Variants in AKAP6 observed in about 807,000 individuals in gnomAD.
The protein encoded by AKAP6 is A-kinase anchor protein 6.
Under a neutral mutation model 188.5 loss-of-function variants are expected in AKAP6, and 58 were observed. The observed-to-expected ratio is 0.31, with a 90% CI of 0.25 to 0.38. The LOEUF is 0.38. AKAP6 is among the 10% of genes least tolerant of loss of function. The pLI, the probability that AKAP6 is intolerant of heterozygous loss-of-function variation, is 1.00. For synonymous variants in AKAP6, 989 were observed against 998.6 expected, an observed-to-expected ratio of 0.99 and a Z score of 0.18; for missense variants, 2,710 against 2,740.0, an observed-to-expected ratio of 0.99 and a Z score of 0.24.
At chr14:32,732,839 A>G in intron 10 of AKAP6, 1 of 606,624 alleles carries the variant, frequency 1.6e-6, no homozygotes, top group Non-Finnish European at 2.9e-6. Context: ...TTAATACATG[A>G]AAAAGTAAGT....
At position 32,599,481 on chromosome 14, in the gene AKAP6, T is replaced by C. The variant is rs753836027; in HGVS notation, c.2541T>C (p.Leu847=). ...TGGAGGAGGAAGGACACCAACTTCTTGAGCTTATTGCATCTCACAAAGCAG... is the reference window on the plus strand; with the variant it reads ...TGGAGGAGGAAGGACACCAACTTCTCGAGCTTATTGCATCTCACAAAGCAG... ...EAVEEEGHQL[L]ELIASHKAGL... is the part of the protein sequence containing the mutation. Residue 847 remains leucine (L), a synonymous_variant, in exon 6 of 14, where the codon CTT becomes CTC. Coordinates refer to ENST00000280979, the MANE Select transcript of AKAP6 (RefSeq NM_004274.5). The C allele has an allele frequency of 6.2e-7, 1 of 1,613,394 alleles. No individual in the cohort carries two copies. Among genetic ancestry groups the C allele is most frequent in the Non-Finnish European group, 8.5e-7 (1 of 1,179,558 alleles).
At chr14:32,652,708 C>A (rs2139537491) in intron 7 of AKAP6, among the ~76,000 whole-genome samples, 1 of 152,298 alleles carries the variant, frequency 6.6e-6, no homozygotes, top group African/African-American at 2.4e-5. Flanking sequence ...TCACCTTTCT[C>A]CTGAGTTGCT....
intron 5 of AKAP6, among the ~76,000 whole-genome samples, chr14:32,585,663 A>G (rs1051158772): frequency 6.6e-6 from 1 of 152,358 alleles, no homozygotes; most frequent in East Asian, 1.9e-4. Context: ...TAAATGACTA[A>G]CAATTTTAAT....
At chr14:32,800,061 C>CTCTCTCTATA (rs377693074) in intron 12 of AKAP6, among the ~76,000 whole-genome samples, 3,321 of 136,908 alleles carry the variant, frequency 0.024, 60 homozygotes, top group South Asian at 0.032. Flanking sequence ...CTCTCTCTCT[C>CTCTCTCTATA]TATATATATA....
intron 2 of AKAP6, among the ~76,000 whole-genome samples, chr14:32,443,410 A>AAAC (rs1566505697): frequency 5.7e-4 from 66 of 116,278 alleles, no homozygotes; most frequent in African/African-American, 3.0e-3. Flanking sequence ...AACAAAACAA[A>AAAC]AAAAAAACAA....
Position 32,377,522 on chromosome 14 carries a change from A to G in AKAP6, c.-35+48114A>G, listed in dbSNP as rs572831092. Reference sequence around the variant, plus strand: ...ATATGTACGTGCATGAGAGAGAGAGAGAGAGAGAAGCCAGGGTGCCATGCT... The same window carrying G: ...ATATGTACGTGCATGAGAGAGAGAGGGAGAGAGAAGCCAGGGTGCCATGCT... On this transcript the variant is annotated intron_variant, in intron 1 of 13. Transcript: ENST00000280979. 2.0e-5 allele frequency among the ~76,000 whole-genome samples: 3 copies of G among 152,178 alleles called. No homozygotes were observed. In the South Asian group the frequency reaches 6.2e-4, roughly 32 times the overall value.
intron 9 of AKAP6, among the ~76,000 whole-genome samples, chr14:32,715,915 A>G (rs2030172876): frequency 6.6e-6 from 1 of 151,936 alleles, no homozygotes; most frequent in African/African-American, 2.4e-5. Context: ...GCAACTCTGC[A>G]TGCTAAGAAA....
In AKAP6 at chr14:32,823,328, C is replaced by A. The variant is rs745389246; in HGVS notation, c.5515C>A (p.Pro1839Thr). The A allele has an allele frequency of 6.2e-7, 1 of 1,613,818 alleles. No homozygotes were observed. The highest frequency in any genetic ancestry group is 8.5e-7 in the Non-Finnish European group (1 of 1,179,908). Reference protein sequence around the residue: ...KDISSSEMTNPSDTLNIETLL... With the variant: ...KDISSSEMTNTSDTLNIETLL... ...TATAAGTAGCAGTGAGATGACCAAT[C>A]CCTCTGATACTCTGAATATTGAGAC... Residue 1839 changes from proline (P) to threonine (T), a missense_variant, in exon 13 of 14, where the codon CCC becomes ACC. Coordinates refer to ENST00000280979, the MANE Select transcript of AKAP6 (RefSeq NM_004274.5).
chr14:32,718,206 A>C (rs2139776741), intron 9 of AKAP6: 1 of 826,090 alleles, frequency 1.2e-6, no homozygotes, highest in Non-Finnish European at 1.5e-6. Context: ...TTTTATCTGT[A>C]AGACAGAAGT....
At chr14:32,686,053 G>C (rs115352057) in intron 8 of AKAP6, among the ~76,000 whole-genome samples, 1 of 152,178 alleles carries the variant, frequency 6.6e-6, no homozygotes, top group Non-Finnish European at 1.5e-5. Flanking sequence ...TCCATCAGCA[G>C]ATGAATGTAT....
chr14:32,663,885 C>T (rs1365315703), intron 7 of AKAP6, among the ~76,000 whole-genome samples: 3 of 151,964 alleles, frequency 2.0e-5, no homozygotes, highest in East Asian at 1.9e-4. Flanking sequence ...TGTCTTCCTA[C>T]ATAAGGGGGG....
chr14:32,525,989 AC>A (rs770781413), intron 2 of AKAP6, among the ~76,000 whole-genome samples: 7 of 152,234 alleles, frequency 4.6e-5, no homozygotes, highest in Non-Finnish European at 1.0e-4. Context: ...AGTTCTTCAA[AC>A]TTTGGAGAGA....
In AKAP6 at chr14:32,824,304, C is replaced by G; in HGVS notation, c.6491C>G (p.Ser2164Cys). 1 of 1,613,802 alleles carries G rather than the reference C, an allele frequency of 6.2e-7. No individual in the cohort carries two copies. The change falls in exon 13 of 14, where the codon TCT (serine) becomes TGT (cysteine). Residue 2164 changes from serine (S) to cysteine (C), a missense_variant. Transcript: ENST00000280979. ...CFFEACVEGD[S>C]DGEEPCFSSA... is the part of the protein sequence containing the mutation. ...TTTGAGGCCTGTGTTGAGGGTGACT[C>G]TGATGGAGAGGAGCCTTGTTTCTCT... is the stretch of plus-strand genomic sequence containing the variant.
At chr14:32,570,544 C>G (rs1339853770) in intron 4 of AKAP6, among the ~76,000 whole-genome samples, 4 of 152,010 alleles carry the variant, frequency 2.6e-5, no homozygotes, top group Non-Finnish European at 5.9e-5. Flanking sequence ...GAAATTGGAA[C>G]TTTTGTGAAT....
intron 8 of AKAP6, 73 bp from the exon 9 acceptor site, chr14:32,695,917 T>C: frequency 2.0e-6 from 3 of 1,482,108 alleles, no homozygotes; most frequent in Non-Finnish European, 2.7e-6. Context: ...TTTTCAAGAA[T>C]ATATTATTCT....
intron 4 of AKAP6, among the ~76,000 whole-genome samples, chr14:32,564,656 C>T (rs1884108984): frequency 6.6e-6 from 1 of 152,170 alleles, no homozygotes; most frequent in Non-Finnish European, 1.5e-5. Flanking sequence ...TTGAAGGAAG[C>T]TCTATATGCA....
In AKAP6 at chr14:32,829,979, C is replaced by G. The variant is rs2140169636; in HGVS notation, c.*174C>G. ...TGAATCTTCCTTCCAAATGTGTTTT[C>G]TCCACACAAGCCTTGTGATCTGAAT... is the stretch of plus-strand genomic sequence containing the variant. On this transcript the variant is annotated 3_prime_UTR_variant, in exon 14 of 14. Coordinates refer to ENST00000280979, the MANE Select transcript of AKAP6 (RefSeq NM_004274.5). 1.4e-6 allele frequency: 1 copy of G among 702,644 alleles called. No individual in the cohort carries two copies. The highest frequency in any genetic ancestry group is 1.7e-5 in the African/African-American group (1 of 57,344). The allele number at this position is 702,644 out of a possible 1,614,324, so 43.5% of individuals were successfully genotyped here.
At chr14:32,471,415 T>C (rs1278797112) in intron 2 of AKAP6, among the ~76,000 whole-genome samples, 2 of 152,350 alleles carry the variant, frequency 1.3e-5, no homozygotes, top group Non-Finnish European at 2.9e-5. Flanking sequence ...GTGGTAGTAA[T>C]AAGAAATTGT....
chr14:32,644,548 A>G (rs1394920741), intron 7 of AKAP6, among the ~76,000 whole-genome samples: 3 of 152,158 alleles, frequency 2.0e-5, no homozygotes, highest in Non-Finnish European at 4.4e-5. Context: ...TAGGAAGTAA[A>G]AAAGGTTTTA....
Sources: gnomAD v4.1 joint callset for allele counts (sites outside exome capture counted in the v4.1 genomes callset) on GRCh38, gnomAD v4.1.1 for gene constraint, MANE v1.5 for transcripts, NCBI Gene and HGNC (gene_info 2026-07-23, HGNC 2026-07-21) for gene names.